AGBL4: variants seen among roughly 807,000 people sequenced by gnomAD.
AGBL4 encodes the protein AGBL carboxypeptidase 4, also known as cytosolic carboxypeptidase 6.
Under a neutral mutation model 66.4 loss-of-function variants are expected in AGBL4, and 58 were observed. The observed-to-expected ratio is 0.87, with a 90% confidence interval of 0.71 to 1.09. AGBL4 has a LOEUF of 1.09. Ranked by LOEUF, AGBL4 falls within the 50% of genes least tolerant of loss-of-function variation. The pLI, the probability that AGBL4 is intolerant of heterozygous loss-of-function variation, is 0.00. For missense variants in AGBL4, 579 were observed against 631.0 expected, an observed-to-expected ratio of 0.92 and a Z score of 0.88; for synonymous variants, 234 against 222.9, an observed-to-expected ratio of 1.05 and a Z score of -0.44.
At chr1:49,587,766 T>C (rs919876776) in intron 3 of AGBL4, among the ~76,000 whole-genome samples, 1 of 152,110 alleles carries the variant, frequency 6.6e-6, no homozygotes, top group African/African-American at 2.4e-5. Context: ...AACTTGTTGT[T>C]TGCAAACTCC....
chr1:49,485,602 TATA>T (rs1268414599), intron 3 of AGBL4, among the ~76,000 whole-genome samples: 1 of 149,830 alleles, frequency 6.7e-6, no homozygotes, highest in Non-Finnish European at 1.5e-5. Context: ...AAACTTAAAG[TATA>T]ATAATAATAA....
At chr1:49,441,033 C>A (rs938935684) in intron 3 of AGBL4, among the ~76,000 whole-genome samples, 1 of 152,072 alleles carries the variant, frequency 6.6e-6, no homozygotes, top group Admixed American at 6.5e-5. Flanking sequence ...CAGTGATGGC[C>A]TCCCCTGAGG....
intron 5 of AGBL4, among the ~76,000 whole-genome samples, chr1:49,027,453 G>A (rs1043636297): frequency 1.5e-4 from 23 of 151,958 alleles, no homozygotes; most frequent in Admixed American, 1.0e-3. Flanking sequence ...ATGAGCCACC[G>A]TGCCCAGCCT....
chr1:49,143,108 G>A (rs1646150202), intron 4 of AGBL4, among the ~76,000 whole-genome samples: 1 of 152,016 alleles, frequency 6.6e-6, no homozygotes. Context: ...CATCAAAGTA[G>A]TCTGTGATAC....
intron 3 of AGBL4, among the ~76,000 whole-genome samples, chr1:49,343,930 C>T (rs1193927624): frequency 1.3e-5 from 2 of 152,126 alleles, no homozygotes; most frequent in Non-Finnish European, 2.9e-5. Flanking sequence ...GATTAAAATG[C>T]CTTCAAAATT....
intron 3 of AGBL4, among the ~76,000 whole-genome samples, chr1:49,508,783 G>C (rs1375372815): frequency 6.6e-6 from 1 of 151,780 alleles, no homozygotes; most frequent in Non-Finnish European, 1.5e-5. Context: ...AGAAAAATGA[G>C]GTATATAAAG....
chr1:48,832,684 T>C (rs1646582036), intron 6 of AGBL4, among the ~76,000 whole-genome samples: 1 of 152,158 alleles, frequency 6.6e-6, no homozygotes, highest in Non-Finnish European at 1.5e-5. Flanking sequence ...TATGTGGGTG[T>C]TTCTGGATGA....
intron 4 of AGBL4, among the ~76,000 whole-genome samples, chr1:49,126,780 T>C (rs1401058572): frequency 1.3e-5 from 2 of 152,160 alleles, no homozygotes; most frequent in African/African-American, 4.8e-5. Flanking sequence ...GATCATTTAC[T>C]CATCTGTTTT....
intron 4 of AGBL4, among the ~76,000 whole-genome samples, chr1:49,091,982 T>C (rs1302875204): frequency 6.6e-6 from 1 of 151,982 alleles, no homozygotes; most frequent in East Asian, 1.9e-4. Flanking sequence ...GAGCTAAACA[T>C]TGAGTACATA....
At chr1:49,042,835 GT>G (rs751106367) in intron 5 of AGBL4, among the ~76,000 whole-genome samples, 8 of 152,200 alleles carry the variant, frequency 5.3e-5, no homozygotes, top group South Asian at 4.1e-4. Flanking sequence ...TGATCCTATT[GT>G]TTTTCTTATT....
intron 4 of AGBL4, among the ~76,000 whole-genome samples, chr1:49,148,019 A>G (rs189355472): frequency 2.0e-5 from 3 of 152,336 alleles, no homozygotes; most frequent in African/African-American, 7.2e-5. Flanking sequence ...AACTTGGGTA[A>G]CAAAATCACA....
At chr1:49,963,849 A>C (rs1657326552) in intron 1 of AGBL4, among the ~76,000 whole-genome samples, 1 of 152,156 alleles carries the variant, frequency 6.6e-6, no homozygotes, top group Admixed American at 6.6e-5. Context: ...ATGATTTTTT[A>C]AAGTTAAATT....
At chr1:48,975,067 G>T (rs1479942074) in intron 5 of AGBL4, among the ~76,000 whole-genome samples, 1 of 152,086 alleles carries the variant, frequency 6.6e-6, no homozygotes, top group Non-Finnish European at 1.5e-5. Flanking sequence ...AAAAGACACA[G>T]AATGTGAGAA....
chr1:49,417,282 T>C (rs948641661), intron 3 of AGBL4, among the ~76,000 whole-genome samples: 3 of 151,628 alleles, frequency 2.0e-5, no homozygotes, highest in Non-Finnish European at 4.4e-5. Flanking sequence ...ACTAAAGGAA[T>C]ACAGAAAAAA....
At chr1:49,964,310 T>C (rs987216942) in intron 1 of AGBL4, among the ~76,000 whole-genome samples, 1 of 152,138 alleles carries the variant, frequency 6.6e-6, no homozygotes, top group Admixed American at 6.6e-5. Context: ...TTAATCTTAT[T>C]AGGCTTCAGA....
At chr1:49,414,895 G>T (rs554978890) in intron 3 of AGBL4, among the ~76,000 whole-genome samples, 5 of 152,100 alleles carry the variant, frequency 3.3e-5, no homozygotes, top group Non-Finnish European at 7.4e-5. Flanking sequence ...AATGATAGTT[G>T]CTATTTTTAT....
chr1:49,331,774 A>G (rs1441574588), intron 3 of AGBL4, among the ~76,000 whole-genome samples: 2 of 152,306 alleles, frequency 1.3e-5, no homozygotes, highest in East Asian at 3.9e-4. Context: ...AAGGTAACAC[A>G]GCACAACACA....
At chr1:48,813,559 C>T (rs1163859351) in intron 6 of AGBL4, among the ~76,000 whole-genome samples, 1 of 152,144 alleles carries the variant, frequency 6.6e-6, no homozygotes. Context: ...TGATGGAAGC[C>T]TCACGTATTA....
chr1:49,510,197 C>A (rs1570911618), intron 3 of AGBL4, among the ~76,000 whole-genome samples: 2 of 152,010 alleles, frequency 1.3e-5, no homozygotes, highest in East Asian at 3.9e-4. Flanking sequence ...ACAGTCCCAC[C>A]AACAGTGTAA....
Sources: allele counts gnomAD v4.1 joint callset (sites outside exome capture counted in the v4.1 genomes callset), GRCh38; gene constraint gnomAD v4.1.1; transcripts MANE v1.5; gene names NCBI Gene and HGNC (gene_info 2026-07-23, HGNC 2026-07-21).